The following GPRIN1 variants were observed in gnomAD, a reference collection of about 807,000 sequenced individuals.
GPRIN1 encodes the protein G protein regulated inducer of neurite outgrowth 1, also known as G protein-regulated inducer of neurite outgrowth 1.
GPRIN1 carries 4 observed loss-of-function variants against 2.8 expected under a neutral mutation model. The ratio of observed to expected loss-of-function variants is 1.45; its 90% CI spans 0.71 to 3.32. The LOEUF (loss-of-function observed/expected upper bound fraction) is 3.32, where lower values mean the gene tolerates loss of function less well. GPRIN1 is among the 30% of genes most tolerant of loss of function. The pLI is 0.01. For synonymous variants in GPRIN1, 589 were observed against 589.9 expected (o/e 1.00, Z 0.02); for missense variants, 1,322 against 1,343.4 (o/e 0.98, Z 0.25).
intron 1 of GPRIN1, among the ~76,000 whole-genome samples, chr5:176,605,239 G>A (rs1470674724): frequency 1.3e-5 from 2 of 151,586 alleles, no homozygotes; most frequent in Admixed American, 1.3e-4. Flanking sequence ...GGCTACAGGC[G>A]CACATCACCA....
chr5:176,604,727 C>T (rs533141815), intron 1 of GPRIN1, among the ~76,000 whole-genome samples: 1 of 152,068 alleles, frequency 6.6e-6, no homozygotes, highest in Admixed American at 6.5e-5. Flanking sequence ...ATCTGGATAT[C>T]TGTATTTTAT....
chr5:176,598,808 C>G lies in GPRIN1; in HGVS notation c.1027G>C (p.Gly343Arg). The change falls in exon 2 of 2, where the codon GGA (glycine) becomes CGA (arginine). Residue 343 changes from glycine (G) to arginine (R), a missense_variant. Around this residue, in one of 3 missense-constraint regions of GPRIN1, gnomAD observed 1,117 missense variants for 1,128.6 expected, o/e 0.99. Transcript: ENST00000303991. ...CCCAAGCATGTGGGATCCAGCCTTC[C>G]CAAGGACCCAGGAGCCCCGGTCCCA... ...SSGTGAPGSL[G>R]RLDPTCLGMA... is the part of the protein sequence containing the mutation. 6.2e-7 allele frequency: 1 copy of G among 1,613,844 alleles called. No homozygotes were observed. Among genetic ancestry groups the G allele is most frequent in the Non-Finnish European group, 8.5e-7 (1 of 1,180,034 alleles).
Position 176,598,576 on chromosome 5 carries a change from G to T in GPRIN1, c.1259C>A (p.Ser420Tyr), listed in dbSNP as rs749313769. 6 of 1,614,120 alleles carry T rather than the reference G, an allele frequency of 3.7e-6. No individual in the cohort carries two copies. Among genetic ancestry groups the T allele is most frequent in the South Asian group, 2.2e-5 (2 of 91,086 alleles). ...GCACATGGGGTCCATCTTTCCCAGA[G>T]AAACTGGATCCACCTTGCCTGAAGA... ...PMSSGKVDPV[S>Y]LGKMDPMCSG... The change falls in exon 2 of 2, where the codon TCT becomes TAT. Residue 420 changes from serine (S) to tyrosine (Y), a missense_variant. Ser to Tyr is a moderately radical substitution (Grantham distance 144). Around this residue, in one of 3 missense-constraint regions of GPRIN1, gnomAD observed 1,117 missense variants for 1,128.6 expected, o/e 0.99. Transcript: ENST00000303991.
intron 1 of GPRIN1, among the ~76,000 whole-genome samples, chr5:176,603,508 G>A (rs1759178151): frequency 6.6e-6 from 1 of 152,198 alleles, no homozygotes; most frequent in African/African-American, 2.4e-5. Context: ...GTCTCTGGAT[G>A]GGGACACAGT....
chr5:176,603,395 C>G (rs1383751868), intron 1 of GPRIN1, among the ~76,000 whole-genome samples: 1 of 152,176 alleles, frequency 6.6e-6, no homozygotes, highest in African/African-American at 2.4e-5. Flanking sequence ...GTTTGGCTAC[C>G]AGCTTCCTGG....
chr5:176,607,847 G>A (rs950287830), intron 1 of GPRIN1, among the ~76,000 whole-genome samples: 2 of 143,702 alleles, frequency 1.4e-5, no homozygotes, highest in Admixed American at 1.4e-4. Flanking sequence ...AAAGCCAGTT[G>A]TGCCCAAGCA....
In GPRIN1 at chr5:176,597,294, G is replaced by A. The variant is rs1452494911; in HGVS notation, c.2541C>T (p.Arg847=). The change falls in exon 2 of 2, where the codon CGC becomes CGT. Residue 847 remains arginine, a synonymous_variant. Coordinates refer to ENST00000303991, the MANE Select transcript of GPRIN1 (RefSeq NM_052899.3). This position sits in a 1 kb window ranked among gnomAD's most constrained non-coding sequence, Gnocchi z 6.1. Reference sequence around the variant, plus strand: ...CTCGGCGCGAGGGCGGGCTGGGCGCGCGCGGCGCCGCCTGGAAGCTGAAGG... The same window carrying A: ...CTCGGCGCGAGGGCGGGCTGGGCGCACGCGGCGCCGCCTGGAAGCTGAAGG... ...GSAFSFQAAP[R]APSPPSRRDA... is the part of the protein sequence containing the mutation. 2.4e-6 allele frequency: 3 copies of A among 1,233,772 alleles called. No homozygotes were observed. The highest frequency in any genetic ancestry group is 2.0e-6 in the Non-Finnish European group (2 of 990,462). 76.4% of individuals were successfully genotyped at this position (1,233,772 alleles called of 1,614,324 possible).
intron 1 of GPRIN1, among the ~76,000 whole-genome samples, chr5:176,603,895 A>G (rs1759184650): frequency 6.6e-6 from 1 of 152,218 alleles, no homozygotes; most frequent in Non-Finnish European, 1.5e-5. Context: ...GACTCCTGAC[A>G]TCCCCAGACT....
rs754013303 is a variant in GPRIN1 at position 176,597,907 on chromosome 5, G to C, written c.1928C>G (p.Pro643Arg). 6 of 1,613,844 alleles carry C rather than the reference G, an allele frequency of 3.7e-6. No homozygotes were observed. Among genetic ancestry groups the C allele is most frequent in the Non-Finnish European group, 5.1e-6 (6 of 1,179,960 alleles). ...QSGGKAETKL[P>R]GQEGAAAPGE... ...TGGTGCTGCAGCGCCCTCTTGCCCA[G>C]GGAGCTTTGTTTCTGCTTTGCCACC... The change falls in exon 2 of 2, where the codon CCT (proline) becomes CGT (arginine). Residue 643 changes from proline (P) to arginine (R), a missense_variant. This residue lies in a region of GPRIN1 where 1,117 missense variants were observed against 1,128.6 expected (regional missense o/e 0.99). Coordinates refer to ENST00000303991, the MANE Select transcript of GPRIN1 (RefSeq NM_052899.3). The surrounding 1 kb of genome is among the most constrained non-coding windows in gnomAD (Gnocchi z 6.1).
Position 176,598,437 on chromosome 5 carries a change from GGGGTCCTCCCTTCTGGAGGACACC to G in GPRIN1, c.1374_1397del (p.Val459_Pro466del), listed in dbSNP as rs1561886595. The G allele has an allele frequency of 3.7e-6, 6 of 1,614,058 alleles. No homozygotes were observed. The highest frequency in any genetic ancestry group is 3.3e-5 in the Admixed American group (2 of 60,022). ...ATGTCTTTCTACTTCCAGCAGATATGGGGTCCTCCCTTCTGGAGGACACCGGGTCCTCTTTTCCTGGGGATACAG... is the reference window on the plus strand; with the variant it reads ...ATGTCTTTCTACTTCCAGCAGATATGGGGTCCTCTTTTCCTGGGGATACAG... On this transcript the variant is annotated inframe_deletion, in exon 2 of 2. Coordinates refer to ENST00000303991, the MANE Select transcript of GPRIN1 (RefSeq NM_052899.3).
chr5:176,607,360 T>C (rs1018909569), intron 1 of GPRIN1, among the ~76,000 whole-genome samples: 51 of 152,204 alleles, frequency 3.4e-4, no homozygotes, highest in Non-Finnish European at 7.3e-5. Flanking sequence ...CTTTCTTTTT[T>C]TGAGACCGAG....
chr5:176,597,179 A>G lies in GPRIN1; in HGVS notation c.2656T>C (p.Phe886Leu). ...MTPQAAAPPA[F>L]PEVRVRPGSA... ...CCGGGCCGCACCCGCACTTCGGGGA[A>G]GGCGGGCGGCGCGGCGGCTTGAGGT... Residue 886 changes from phenylalanine (F) to leucine (L), a missense_variant, in exon 2 of 2, where the codon TTC (phenylalanine) becomes CTC (leucine). Coordinates refer to ENST00000303991, the MANE Select transcript of GPRIN1 (RefSeq NM_052899.3). The surrounding 1 kb of genome is among the most constrained non-coding windows in gnomAD (Gnocchi z 6.1). 8.2e-6 allele frequency: 11 copies of G among 1,345,158 alleles called. No homozygotes were observed. Among genetic ancestry groups the G allele is most frequent in the East Asian group, 5.7e-5 (2 of 34,976 alleles). 83.3% of individuals were successfully genotyped at this position (1,345,158 alleles called of 1,614,324 possible). A position where few individuals can be genotyped will look rare whatever the true frequency, so the allele number is the denominator to read the frequency against.
At position 176,602,440 on chromosome 5, in the gene GPRIN1, A is replaced by G. The variant is rs1581158261; in HGVS notation, c.-43-2563T>C. 6.6e-6 allele frequency among the ~76,000 whole-genome samples: 1 copy of G among 152,108 alleles called. No homozygotes were observed. Among genetic ancestry groups the G allele is most frequent in the Non-Finnish European group, 1.5e-5 (1 of 68,020 alleles). Reference sequence around the variant, plus strand: ...TTTGCTGTGCTATCTGATATATCCCAGAGTTGAGACCTGGCACACATGCAG... The same window carrying G: ...TTTGCTGTGCTATCTGATATATCCCGGAGTTGAGACCTGGCACACATGCAG... On this transcript the variant is annotated intron_variant, in intron 1 of 1. Transcript: ENST00000303991. The surrounding 1 kb of genome is among the most constrained non-coding windows in gnomAD (Gnocchi z 4.4).
Position 176,595,810 on chromosome 5 carries a change from A to T in GPRIN1, c.*998T>A. 1 of 848,426 alleles carries T rather than the reference A, an allele frequency of 1.2e-6. No homozygotes were observed. The highest frequency in any genetic ancestry group is 2.3e-5 in the South Asian group (1 of 42,898). The allele number at this position is 848,426 out of a possible 1,614,324, so 52.6% of individuals were successfully genotyped here. ...ATCACGGCAGACAGGGGTTGGGGAA[A>T]TATTTTATTACCAATGTATACTGTG... On this transcript the variant is annotated 3_prime_UTR_variant, in exon 2 of 2. Transcript: ENST00000303991.
chr5:176,597,476 C>G lies in GPRIN1; in HGVS notation c.2359G>C (p.Gly787Arg). The G allele has an allele frequency of 7.5e-7, 1 of 1,334,864 alleles. No individual in the cohort carries two copies. The highest frequency in any genetic ancestry group is 3.8e-5 in the Admixed American group (1 of 26,250). The allele number at this position is 1,334,864 out of a possible 1,614,324, so 82.7% of individuals were successfully genotyped here. A position where few individuals can be genotyped will look rare whatever the true frequency, so the allele number is the denominator to read the frequency against. ...GTGAAGTTGTCGCGAGTCCGCGGCC[C>G]CGGCGGGGGCGCTGCGGCCTCTGGG... ...PCPEAAAPPP[G>R]PRTRDNFTKA... The change falls in exon 2 of 2, where the codon GGG (glycine) becomes CGG (arginine). Residue 787 changes from glycine to arginine, a missense_variant. Physicochemically the swap from Gly to Arg is moderately radical, Grantham distance 125. Transcript: ENST00000303991. This position sits in a 1 kb window ranked among gnomAD's most constrained non-coding sequence, Gnocchi z 6.1.
At chr5:176,607,381 T>C (rs1581159540) in intron 1 of GPRIN1, among the ~76,000 whole-genome samples, 1 of 152,352 alleles carries the variant, frequency 6.6e-6, no homozygotes, top group South Asian at 2.1e-4. Context: ...TCTTGTTTTG[T>C]TGCCTAGGCC....
At chr5:176,605,601 C>T (rs1246043081) in intron 1 of GPRIN1, among the ~76,000 whole-genome samples, 4 of 151,662 alleles carry the variant, frequency 2.6e-5, no homozygotes, top group African/African-American at 9.7e-5. Flanking sequence ...CCAGGAGTTC[C>T]AGATCAGCAT....
At position 176,599,715 on chromosome 5, in the gene GPRIN1, C is replaced by T. The variant is rs201692802; in HGVS notation, c.120G>A (p.Ser40=). ...PQDGSLGAGS[S]AMRDYCPSQQ... ...GGGAGGGGCAGTAATCCCTCATAGC[C>T]GAGCTGCCAGCCCCCAGGCTCCCAT... The change falls in exon 2 of 2, where the codon TCG becomes TCA. Residue 40 remains serine, a synonymous_variant. Transcript: ENST00000303991. 1.2e-5 allele frequency: 18 copies of T among 1,565,048 alleles called. No homozygotes were observed. The East Asian group carries it at 1.4e-4, about 12-fold the overall frequency.
rs1242453287 is a variant in GPRIN1, at chr5:176,598,078, G to A, written c.1757C>T (p.Pro586Leu). Residue 586 changes from proline (P) to leucine (L), a missense_variant, in exon 2 of 2, where the codon CCC (proline) becomes CTC (leucine). Pro to Leu is a moderately conservative substitution (Grantham distance 98). Around this residue, in one of 3 missense-constraint regions of GPRIN1, gnomAD observed 1,117 missense variants for 1,128.6 expected, o/e 0.99. Transcript: ENST00000303991. The part of the protein sequence containing the change: ...VSTPGKTVPV[P>L]SGKVDPVSLG... ...GGACACGGGATCCACCTTCCCCGAG[G>A]GCACCGGGACTGTTTTTCCTGGAGT... is the stretch of plus-strand genomic sequence containing the variant. 3.7e-6 allele frequency: 6 copies of A among 1,613,800 alleles called. No homozygotes were observed. Among genetic ancestry groups the A allele is most frequent in the Non-Finnish European group, 5.1e-6 (6 of 1,180,022 alleles).
Sources: allele counts gnomAD v4.1 joint callset (sites outside exome capture counted in the v4.1 genomes callset), GRCh38; gene constraint gnomAD v4.1.1; regional missense constraint gnomAD v4.1.1; non-coding constraint Gnocchi (gnomAD v3.1); transcripts MANE v1.5; gene names NCBI Gene and HGNC (gene_info 2026-07-23, HGNC 2026-07-21).